Variants in CYTH4 observed in about 807,000 individuals in gnomAD.
The protein encoded by CYTH4 is cytohesin-4.
CYTH4 carries 22 observed loss-of-function variants against 57.5 expected under a neutral mutation model. The ratio of observed to expected loss-of-function variants is 0.38; its 90% CI spans 0.27 to 0.55. CYTH4 has a LOEUF of 0.55. Among genes scored for constraint, CYTH4 ranks in the 20% least tolerant of loss-of-function variants. The probability of loss-of-function intolerance (pLI) is 0.74; values close to 1 mark genes in which losing one functional copy is unlikely to be tolerated. For missense variants in CYTH4, 420 were observed against 535.6 expected (o/e 0.78, Z 2.13); for synonymous variants, 186 against 206.5 (o/e 0.90, Z 0.85).
In CYTH4 at chr22:37,303,290, T is replaced by C; in HGVS notation, c.584T>C (p.Leu195Pro). Residue 195 changes from leucine to proline, a missense_variant, in exon 8 of 13, where the codon CTC (leucine) becomes CCC (proline). Transcript: ENST00000248901. Reference protein sequence around the residue: ...CYVLSFSIIMLNTSLHNPNVR... With the variant: ...CYVLSFSIIMPNTSLHNPNVR... ...GTGTTGTCCTTCTCCATCATCATGC[T>C]CAACACCAGCCTCCACAATCCCAAC... is the stretch of plus-strand genomic sequence containing the variant. 1 of 1,614,162 alleles carries C rather than the reference T, an allele frequency of 6.2e-7. No individual in the cohort carries two copies. Among genetic ancestry groups the C allele is most frequent in the Non-Finnish European group, 8.5e-7 (1 of 1,180,016 alleles).
Position 37,294,717 on chromosome 22 carries a change from G to A in CYTH4, c.160G>A (p.Glu54Lys). 1.2e-6 allele frequency: 2 copies of A among 1,613,918 alleles called. No homozygotes were observed. Among genetic ancestry groups the A allele is most frequent in the Middle Eastern group, 3.3e-4 (2 of 6,058 alleles). Residue 54 changes from glutamate (E) to lysine (K), a missense_variant, in exon 3 of 13, where the codon GAG (glutamate) becomes AAG (lysine). By Grantham distance (56) the Glu-to-Lys change is moderately conservative (BLOSUM62 1). Coordinates refer to ENST00000248901, the MANE Select transcript of CYTH4 (RefSeq NM_013385.5). ...FAQIDCFESA[E>K]ESRMAQKEKE... ...CCAAATCGACTGCTTCGAGAGTGCGGAGGAGAGGTGAGGGGCTTGGGTGGG... is the reference window on the plus strand; with the variant it reads ...CCAAATCGACTGCTTCGAGAGTGCGAAGGAGAGGTGAGGGGCTTGGGTGGG...
intron 12 of CYTH4, among the ~76,000 whole-genome samples, 166 bp downstream of exon 12, chr22:37,312,340 C>T (rs747901483): frequency 1.8e-4 from 27 of 152,230 alleles, no homozygotes; most frequent in Non-Finnish European, 3.7e-4. Flanking sequence ...TTTCTGTGTG[C>T]CTGGCACCAG....
Position 37,311,602 on chromosome 22 carries a change from C to T in CYTH4, c.957+75C>T. ...CCTAAACAGAACGTGGGGAGAGGGC[C>T]TGAGGCTGGGCTCTCCAGGAAGCCA... On this transcript the variant is annotated intron_variant, in intron 11 of 12. Coordinates refer to ENST00000248901, the MANE Select transcript of CYTH4 (RefSeq NM_013385.5). The surrounding 1 kb of genome is among the most constrained non-coding windows in gnomAD (Gnocchi z 4.4). 1 of 1,467,340 alleles carries T rather than the reference C, an allele frequency of 6.8e-7. No individual in the cohort carries two copies. Among genetic ancestry groups the T allele is most frequent in the Non-Finnish European group, 9.5e-7 (1 of 1,051,950 alleles). The allele number at this position is 1,467,340 out of a possible 1,614,324, so 90.9% of individuals were successfully genotyped here.
At chr22:37,303,564 A>G (rs1929277330) in intron 8 of CYTH4, among the ~76,000 whole-genome samples, 162 bp downstream of exon 8, 1 of 152,120 alleles carries the variant, frequency 6.6e-6, no homozygotes, top group African/African-American at 2.4e-5. Flanking sequence ...AGGCACCGTC[A>G]CAAAGCGCAT....
chr22:37,312,881 G>T (rs913279616), intron 12 of CYTH4, among the ~76,000 whole-genome samples: 4 of 152,272 alleles, frequency 2.6e-5, no homozygotes, highest in African/African-American at 9.6e-5. Flanking sequence ...TATTGGCAAG[G>T]GTGAGGCCTG....
chr22:37,286,232 G>T (rs1928555981), intron 1 of CYTH4, among the ~76,000 whole-genome samples: 1 of 152,152 alleles, frequency 6.6e-6, no homozygotes, highest in Non-Finnish European at 1.5e-5. Flanking sequence ...TCAGCCTTCG[G>T]AAGATCAACA....
At chr22:37,294,950 T>C (rs1361338814) in intron 3 of CYTH4, among the ~76,000 whole-genome samples, 1 of 152,018 alleles carries the variant, frequency 6.6e-6, no homozygotes, top group Non-Finnish European at 1.5e-5. Flanking sequence ...CACTGCGTCC[T>C]CCCCTCCCCC....
At chr22:37,294,785 C>T (rs912695097) in intron 3 of CYTH4, 61 bp downstream of exon 3, 1 of 1,582,512 alleles carries the variant, frequency 6.3e-7, no homozygotes, top group Non-Finnish European at 8.7e-7. Context: ...GGATGTCATA[C>T]ACCTTGAATG....
intron 2 of CYTH4, among the ~76,000 whole-genome samples, chr22:37,293,979 C>T (rs985780851): frequency 6.6e-5 from 10 of 151,434 alleles, no homozygotes; most frequent in African/African-American, 2.2e-4. Flanking sequence ...GTGGTGTCCC[C>T]GTAGTACCTG....
intron 12 of CYTH4, among the ~76,000 whole-genome samples, chr22:37,312,942 G>A (rs564120951): frequency 6.6e-6 from 1 of 152,248 alleles, no homozygotes; most frequent in Non-Finnish European, 1.5e-5. Context: ...GTGTCCCGGG[G>A]ACTTGCAGGG....
Position 37,313,577 on chromosome 22 carries a change from C to A in CYTH4, c.*66C>A. ...TCCCATCGCCTGCAGCACCTGGAGA[C>A]CCACCTCCCACCCCAGTGCACTCTT... On this transcript the variant is annotated 3_prime_UTR_variant, in exon 13 of 13. Coordinates refer to ENST00000248901, the MANE Select transcript of CYTH4 (RefSeq NM_013385.5). 1.4e-6 allele frequency: 2 copies of A among 1,382,806 alleles called. No homozygotes were observed. Among genetic ancestry groups the A allele is most frequent in the Non-Finnish European group, 2.1e-6 (2 of 970,904 alleles). 85.7% of individuals were successfully genotyped at this position (1,382,806 alleles called of 1,614,324 possible). A position where few individuals can be genotyped will look rare whatever the true frequency, so the allele number is the denominator to read the frequency against.
chr22:37,312,207 C>T lies in CYTH4; in HGVS notation c.1112+33C>T, dbSNP rs368812107. On this transcript the variant is annotated intron_variant, in intron 12 of 12. Coordinates refer to ENST00000248901, the MANE Select transcript of CYTH4 (RefSeq NM_013385.5). ...GTGCCCAGGTCTGGGGACGGCTTCC[C>T]GTCACCTTCCAGAAGGCCCTGCTTC... The T allele has an allele frequency of 6.4e-5, 103 of 1,603,836 alleles. 1 individual carries two copies. In the African/African-American group the frequency reaches 7.1e-4, roughly 11 times the overall value.
At chr22:37,306,868 T>C (rs1457135636) in intron 8 of CYTH4, among the ~76,000 whole-genome samples, 3 of 152,262 alleles carry the variant, frequency 2.0e-5, no homozygotes, top group Non-Finnish European at 4.4e-5. Flanking sequence ...TAATGCTTAT[T>C]GGCTGGCTTG....
intron 12 of CYTH4, among the ~76,000 whole-genome samples, chr22:37,312,381 A>T (rs559978526): frequency 9.2e-5 from 14 of 152,274 alleles, no homozygotes; most frequent in African/African-American, 3.4e-4. Context: ...GAAAGGAGAG[A>T]CCACCTGCAT....
rs189020988 is a variant in CYTH4 at position 37,298,098 on chromosome 22, G to A, written c.353+416G>A. The A allele has an allele frequency of 1.7e-4, 28 of 163,010 alleles. No individual in the cohort carries two copies. The highest frequency in any genetic ancestry group is 6.8e-4 in the Admixed American group (11 of 16,108). The allele number at this position is 163,010 out of a possible 1,614,324, so 10.1% of individuals were successfully genotyped here. A position where few individuals can be genotyped will look rare whatever the true frequency, so the allele number is the denominator to read the frequency against. On this transcript the variant is annotated intron_variant, in intron 5 of 12. Transcript: ENST00000248901. This position sits in a 1 kb window ranked among gnomAD's most constrained non-coding sequence, Gnocchi z 4.1. ...GAAATGCTGGGGACCGGCCAGGCTC[G>A]GGGCTCATGCCTGTAATCCCAGCAC... is the stretch of plus-strand genomic sequence containing the variant.
In CYTH4 at chr22:37,311,980, C is replaced by T. The variant is rs1929658737; in HGVS notation, c.958-40C>T. ...GAGCCTCCTGGAGGGCCCACCCAGC[C>T]TCCCTCTCTTCCCACCCTTGCCTGG... On this transcript the variant is annotated intron_variant, in intron 11 of 12. Transcript: ENST00000248901. The surrounding 1 kb of genome is among the most constrained non-coding windows in gnomAD (Gnocchi z 4.4). 3 of 1,599,208 alleles carry T rather than the reference C, an allele frequency of 1.9e-6. No homozygotes were observed. The South Asian group carries it at 3.3e-5, about 18-fold the overall frequency.
At chr22:37,303,045 G>T (rs575975245) in intron 7 of CYTH4, among the ~76,000 whole-genome samples, 1 of 152,120 alleles carries the variant, frequency 6.6e-6, no homozygotes, top group Non-Finnish European at 1.5e-5. Flanking sequence ...GTAGGAAGGG[G>T]CTCAGAAAAA....
intron 1 of CYTH4, among the ~76,000 whole-genome samples, chr22:37,285,690 AACAG>A (rs1335528623): frequency 6.6e-6 from 1 of 152,126 alleles, no homozygotes; most frequent in Admixed American, 6.5e-5. Flanking sequence ...CAGCCTGGGT[AACAG>A]ACAGAGACAT....
At chr22:37,303,910 C>A (rs1929293537) in intron 8 of CYTH4, among the ~76,000 whole-genome samples, 1 of 152,236 alleles carries the variant, frequency 6.6e-6, no homozygotes, top group South Asian at 2.1e-4. Flanking sequence ...CCCTGCCACA[C>A]CATGCCAGGC....
Sources: gnomAD v4.1 joint callset for allele counts (sites outside exome capture counted in the v4.1 genomes callset) on GRCh38, gnomAD v4.1.1 for gene constraint, Gnocchi (gnomAD v3.1) non-coding constraint, MANE v1.5 for transcripts, NCBI Gene and HGNC (gene_info 2026-07-23, HGNC 2026-07-21) for gene names.